CCNB3: variants seen among roughly 807,000 people sequenced by gnomAD.
CCNB3 encodes the protein cyclin B3.
Under a neutral mutation model 68.0 loss-of-function variants are expected in CCNB3, and 12 were observed. The observed-to-expected ratio is 0.18, with a 90% CI of 0.11 to 0.29. The LOEUF is 0.29. CCNB3 is among the 10% of genes least tolerant of loss of function. The pLI is 1.00. For missense variants in CCNB3, 904 were observed against 993.1 expected (o/e 0.91, Z 1.21); for synonymous variants, 354 against 388.9 (o/e 0.91, Z 1.06).
intron 1 of CCNB3, among the ~76,000 whole-genome samples, chrX:50,227,721 TAG>T (rs1491101853): frequency 3.6e-4 from 29 of 81,158 alleles, no homozygotes; most frequent in African/African-American, 1.1e-3. Context: ...TATAAATATA[TAG>T]AGAGATAATA....
chrX:50,296,956 A>G (rs1376140797), intron 5 of CCNB3, among the ~76,000 whole-genome samples: 1 of 108,434 alleles, frequency 9.2e-6, no homozygotes, highest in Admixed American at 9.7e-5. Context: ...CATATCCTTC[A>G]CCCACTTTTT....
At chrX:50,323,395 C>T (rs1178934358) in intron 8 of CCNB3, among the ~76,000 whole-genome samples, 2 of 92,271 alleles carry the variant, frequency 2.2e-5, no homozygotes, top group Non-Finnish European at 4.1e-5. Flanking sequence ...GGAAGGGGAA[C>T]ATCACACACT....
At chrX:50,280,651 G>A (rs982401924) in intron 1 of CCNB3, among the ~76,000 whole-genome samples, 3 of 110,575 alleles carry the variant, frequency 2.7e-5, no homozygotes, top group Non-Finnish European at 5.7e-5. Context: ...ATTAGTGCTT[G>A]ACTCTATAAG....
At chrX:50,212,840 G>T (rs1305293366) in intron 1 of CCNB3, among the ~76,000 whole-genome samples, 6 of 111,826 alleles carry the variant, frequency 5.4e-5, no homozygotes, top group African/African-American at 2.0e-4. Context: ...GTGACAACAT[G>T]TGTGAAATGT....
intron 5 of CCNB3, among the ~76,000 whole-genome samples, chrX:50,302,667 A>G (rs1469421463): frequency 2.7e-5 from 3 of 111,415 alleles, no homozygotes; most frequent in East Asian, 5.7e-4. Context: ...TACTTTCTAT[A>G]TAGATTTCCC....
chrX:50,227,373 T>C (rs1935890165), intron 1 of CCNB3, among the ~76,000 whole-genome samples: 1 of 79,152 alleles, frequency 1.3e-5, no homozygotes, highest in African/African-American at 4.9e-5. Flanking sequence ...ACAGAATATA[T>C]ATAAATATAT....
chrX:50,298,705 T>C (rs1257076673), intron 5 of CCNB3, among the ~76,000 whole-genome samples: 8 of 111,630 alleles, frequency 7.2e-5, no homozygotes, highest in Non-Finnish European at 1.5e-4. Context: ...TCAGAAGGAA[T>C]GGTACCAGCT....
intron 8 of CCNB3, among the ~76,000 whole-genome samples, chrX:50,315,787 T>C (rs1488419945): frequency 8.9e-6 from 1 of 111,924 alleles, no homozygotes; most frequent in Non-Finnish European, 1.9e-5. Context: ...CTCCTTCCTG[T>C]CCCTGACAAA....
rs1056511834 is a variant in CCNB3, at chrX:50,222,154, T to C, written c.-113+17204T>C. Among the ~76,000 whole-genome samples the C allele has an allele frequency of 7.0e-4, 78 of 111,620 alleles. No homozygotes were observed. The East Asian group carries it at 0.013, about 19-fold the overall frequency. Reference sequence around the variant, plus strand: ...TCCATCCCTTTATTTTGAGCCTATGTGTGTCTCTGCACATGTGATGGGTTT... The same window carrying C: ...TCCATCCCTTTATTTTGAGCCTATGCGTGTCTCTGCACATGTGATGGGTTT... On this transcript the variant is annotated intron_variant, in intron 1 of 12. Coordinates refer to ENST00000376042, the MANE Select transcript of CCNB3 (RefSeq NM_033031.3).
chrX:50,226,478 AAT>A (rs1303796692), intron 1 of CCNB3, among the ~76,000 whole-genome samples: 3 of 38,238 alleles, frequency 7.8e-5, no homozygotes, highest in Non-Finnish European at 1.3e-4. Flanking sequence ...AATATATATA[AAT>A]ATATATAGAA....
At chrX:50,302,569 A>C (rs1317963553) in intron 5 of CCNB3, among the ~76,000 whole-genome samples, 1 of 111,538 alleles carries the variant, frequency 9.0e-6, no homozygotes, top group Non-Finnish European at 1.9e-5. Context: ...ATTTTAGGAC[A>C]TTTTCATTAA....
intron 1 of CCNB3, among the ~76,000 whole-genome samples, chrX:50,280,616 A>G (rs1283692552): frequency 9.1e-6 from 1 of 110,004 alleles, no homozygotes; most frequent in Non-Finnish European, 1.9e-5. Flanking sequence ...CTTCCTTCAC[A>G]AGGCTATTTG....
chrX:50,228,686 A>G (rs1277670960), intron 1 of CCNB3, among the ~76,000 whole-genome samples: 1 of 82,596 alleles, frequency 1.2e-5, no homozygotes, highest in African/African-American at 4.7e-5. Context: ...TATATAGAAT[A>G]TATACATAGA....
rs1168011043 is a variant in CCNB3, at chrX:50,279,823, A to T, written c.-112-4719A>T. ...TATATATAGAATATATATGGTATTTATATAAATACATATACTTTATAAATA... is the reference window on the plus strand; with the variant it reads ...TATATATAGAATATATATGGTATTTTTATAAATACATATACTTTATAAATA... On this transcript the variant is annotated intron_variant, in intron 1 of 12. Coordinates refer to ENST00000376042, the MANE Select transcript of CCNB3 (RefSeq NM_033031.3). Among the ~76,000 whole-genome samples, 5 of 88,148 alleles carry T rather than the reference A, an allele frequency of 5.7e-5. 1 individual carries two copies. The highest frequency in any genetic ancestry group is 1.0e-4 in the Non-Finnish European group (5 of 47,881). The allele number at this position is 88,148 out of a possible 115,157, so 76.5% of individuals were successfully genotyped here. A position where few individuals can be genotyped will look rare whatever the true frequency, so the allele number is the denominator to read the frequency against.
At position 50,226,212 on chromosome X, in the gene CCNB3, T is replaced by TTATATATATAGAATATATATA. The variant is rs1935772608; in HGVS notation, c.-113+21264_-113+21284dup. ...ATAAATATATATAGAATATATATAT[T>TTATATATATAGAATATATATA]TATATATATAGAATATATATATTTA... is the stretch of plus-strand genomic sequence containing the variant. On this transcript the variant is annotated intron_variant, in intron 1 of 12. Transcript: ENST00000376042. Among the ~76,000 whole-genome samples, 267 of 61,412 alleles carry TTATATATATAGAATATATATA rather than the reference T, an allele frequency of 4.3e-3. 5 individuals carry two copies. Among genetic ancestry groups the TTATATATATAGAATATATATA allele is most frequent in the Middle Eastern group, 0.018 (1 of 56 alleles). 53.3% of individuals were successfully genotyped at this position (61,412 alleles called of 115,157 possible). A position where few individuals can be genotyped will look rare whatever the true frequency, so the allele number is the denominator to read the frequency against.
intron 8 of CCNB3, among the ~76,000 whole-genome samples, chrX:50,332,158 G>A (rs1209239852): frequency 9.0e-6 from 1 of 111,060 alleles, no homozygotes; most frequent in Non-Finnish European, 1.9e-5. Context: ...TATGCATTTG[G>A]GCACCCTTTT....
chrX:50,226,190 A>AATATATATATACAATATATATATTT (rs1178932680), intron 1 of CCNB3, among the ~76,000 whole-genome samples: 7 of 28,647 alleles, frequency 2.4e-4, no homozygotes, highest in African/African-American at 6.7e-4. Flanking sequence ...TAGATATATA[A>AATATATATATACAATATATATATTT]ATATATATAG....
intron 8 of CCNB3, among the ~76,000 whole-genome samples, chrX:50,326,525 CTTTCT>C (rs782724942): frequency 1.8e-5 from 2 of 111,566 alleles, no homozygotes; most frequent in Non-Finnish European, 3.8e-5. Context: ...TTATCTTCAA[CTTTCT>C]TTTATCTCTT....
chrX:50,214,120 A>G (rs1436759002), intron 1 of CCNB3, among the ~76,000 whole-genome samples: 2 of 110,464 alleles, frequency 1.8e-5, no homozygotes, highest in African/African-American at 6.6e-5. Context: ...GCTGTTAACT[A>G]CAGGCACTCT....
Sources: allele counts gnomAD v4.1 joint callset (sites outside exome capture counted in the v4.1 genomes callset), GRCh38; gene constraint gnomAD v4.1.1; transcripts MANE v1.5; gene names NCBI Gene and HGNC (gene_info 2026-07-23, HGNC 2026-07-21).